ZGRF1: variants seen among roughly 807,000 people sequenced by gnomAD.
ZGRF1 encodes the protein zinc finger GRF-type containing 1, also known as 5'-3' DNA helicase ZGRF1.
A neutral mutation model predicts 203.5 loss-of-function variants in ZGRF1; 196 were observed. The ratio of observed to expected loss-of-function variants is 0.96; its 90% confidence interval spans 0.86 to 1.08. The LOEUF is 1.08. Ranked by LOEUF, ZGRF1 falls within the 50% of genes least tolerant of loss-of-function variation. The pLI, the probability that ZGRF1 is intolerant of heterozygous loss-of-function variation, is 0.00. For synonymous variants in ZGRF1, 809 were observed against 841.3 expected (o/e 0.96, Z 0.66); for missense variants, 2,326 against 2,416.3 (o/e 0.96, Z 0.78).
At chr4:112,599,132 G>A (rs1006203725) in intron 10 of ZGRF1, among the ~76,000 whole-genome samples, 17 of 152,150 alleles carry the variant, frequency 1.1e-4, no homozygotes, top group Non-Finnish European at 2.5e-4. Context: ...TGTAAAGAGC[G>A]AAGAGCTCCT....
In ZGRF1 at chr4:112,544,384, A is replaced by G. The variant is rs753027585; in HGVS notation, c.5598+2901T>C. ...AAACTTAAAAAAGTACTTGTCATTGAGAAAGAAACAAGATTCTGGGGTGGA... is the reference window on the plus strand; with the variant it reads ...AAACTTAAAAAAGTACTTGTCATTGGGAAAGAAACAAGATTCTGGGGTGGA... On this transcript the variant is annotated intron_variant, in intron 24 of 27. Coordinates refer to ENST00000505019, the MANE Select transcript of ZGRF1 (RefSeq NM_018392.5). Among the ~76,000 whole-genome samples, 155 of 152,240 alleles carry G rather than the reference A, an allele frequency of 1.0e-3. 1 individual carries two copies. Among genetic ancestry groups the G allele is most frequent in the Non-Finnish European group, 1.9e-3 (131 of 68,038 alleles).
intron 16 of ZGRF1, among the ~76,000 whole-genome samples, chr4:112,571,039 G>C (rs1192878368): frequency 6.6e-6 from 1 of 151,884 alleles, no homozygotes. Context: ...AGGAGGTGGA[G>C]GTTGCAGTGA....
chr4:112,591,214 G>T (rs1748119071), intron 10 of ZGRF1, among the ~76,000 whole-genome samples: 1 of 152,050 alleles, frequency 6.6e-6, no homozygotes, highest in African/African-American at 2.4e-5. Context: ...CATATGAGGT[G>T]GGTACTCTTA....
chr4:112,539,940 C>T lies in ZGRF1; in HGVS notation c.6095G>A (p.Arg2032Lys). ...RMNVALTRGKRHLLIVGNLAC... is the reference protein window; with the variant it reads ...RMNVALTRGKKHLLIVGNLAC... ...TAAATTTCCCACAATCAACAAATGC[C>T]TCTTTCCTCTAGTCAATGCAACATT... The change falls in exon 27 of 28, where the codon AGG becomes AAG. Residue 2032 changes from arginine (R) to lysine (K), a missense_variant. Coordinates refer to ENST00000505019, the MANE Select transcript of ZGRF1 (RefSeq NM_018392.5). The T allele has an allele frequency of 6.2e-7, 1 of 1,613,864 alleles. No homozygotes were observed. Among genetic ancestry groups the T allele is most frequent in the Non-Finnish European group, 8.5e-7 (1 of 1,179,796 alleles).
rs749747338 is a variant in ZGRF1 at position 112,585,661 on chromosome 4, G to A, written c.3981C>T (p.Asp1327=). Residue 1327 remains aspartate (D), a synonymous_variant, in exon 14 of 28, where the codon GAC becomes GAT. Coordinates refer to ENST00000505019, the MANE Select transcript of ZGRF1 (RefSeq NM_018392.5). ...QNLQKALSKV[D]ISFYTSLKGE... is the part of the protein sequence containing the mutation. ...CCTTCAATGATGTATAAAATGATATGTCAACTTTTGAAAGAGCTTTCTGCA... is the reference window on the plus strand; with the variant it reads ...CCTTCAATGATGTATAAAATGATATATCAACTTTTGAAAGAGCTTTCTGCA... 4.2e-5 allele frequency: 68 copies of A among 1,604,826 alleles called. No homozygotes were observed. Among genetic ancestry groups the A allele is most frequent in the Non-Finnish European group, 5.4e-5 (64 of 1,175,970 alleles).
intron 16 of ZGRF1, among the ~76,000 whole-genome samples, chr4:112,577,935 A>T (rs1745528288): frequency 8.3e-6 from 1 of 120,854 alleles, no homozygotes; most frequent in Non-Finnish European, 1.8e-5. Context: ...CGGACCTAAT[A>T]GATATCTACA....
chr4:112,603,610 G>C lies in ZGRF1; in HGVS notation c.2890C>G (p.Gln964Glu), dbSNP rs767912365. The C allele has an allele frequency of 5.0e-6, 8 of 1,613,608 alleles. No individual in the cohort carries two copies. Among genetic ancestry groups the C allele is most frequent in the Non-Finnish European group, 6.8e-6 (8 of 1,179,542 alleles). ...TCATACTCAGTGCTATCTGGAAACT[G>C]ACTGCATCCTAGCTGTGAGCTGTGT... ...RGHSSQLGCS[Q>E]FPDSTEYENF... Residue 964 changes from glutamine (Q) to glutamate (E), a missense_variant, in exon 10 of 28, where the codon CAG becomes GAG. Transcript: ENST00000505019.
intron 16 of ZGRF1, among the ~76,000 whole-genome samples, chr4:112,574,828 C>A (rs988857459): frequency 1.3e-4 from 20 of 152,036 alleles, no homozygotes; most frequent in African/African-American, 4.8e-4. Flanking sequence ...GAGTTCAAGA[C>A]CAGGCTGGCC....
chr4:112,623,627 G>C (rs969916890), intron 4 of ZGRF1, among the ~76,000 whole-genome samples, 190 bp downstream of exon 4: 2 of 151,812 alleles, frequency 1.3e-5, no homozygotes, highest in East Asian at 3.9e-4. Context: ...GTTTTTTTTA[G>C]ATCATAAAAA....
chr4:112,547,211 A>G, intron 24 of ZGRF1, 74 bp downstream of exon 24: 1 of 1,403,216 alleles, frequency 7.1e-7, no homozygotes, highest in Non-Finnish European at 9.6e-7. Flanking sequence ...TAATATTTTC[A>G]TTCTCTATCA....
chr4:112,547,308 G>C lies in ZGRF1; in HGVS notation c.5575C>G (p.Leu1859Val). 1.2e-6 allele frequency: 2 copies of C among 1,613,120 alleles called. No homozygotes were observed. Among genetic ancestry groups the C allele is most frequent in the South Asian group, 2.2e-5 (2 of 90,822 alleles). Residue 1859 changes from leucine (L) to valine (V), a missense_variant, in exon 24 of 28, where the codon CTT (leucine) becomes GTT (valine). Physicochemically the swap from Leu to Val is conservative, Grantham distance 32 (BLOSUM62 1). Coordinates refer to ENST00000505019, the MANE Select transcript of ZGRF1 (RefSeq NM_018392.5). Reference protein sequence around the residue: ...AAHENGLEQTLFDRLCLMGHK... With the variant: ...AAHENGLEQTVFDRLCLMGHK... ...ACCATTAAGCAAAGTCGATCAAAAA[G>C]AGTTTGTTCCAATCCATTTTCATGA...
At chr4:112,615,163 G>T (rs774607019) in intron 6 of ZGRF1, among the ~76,000 whole-genome samples, 3 of 152,044 alleles carry the variant, frequency 2.0e-5, no homozygotes, top group Non-Finnish European at 4.4e-5. Context: ...CAGAACTACT[G>T]CAAATAATCA....
intron 10 of ZGRF1, among the ~76,000 whole-genome samples, chr4:112,592,147 G>T (rs1290753972): frequency 6.7e-6 from 1 of 149,002 alleles, no homozygotes; most frequent in East Asian, 2.0e-4. Flanking sequence ...GCCCAGGCTG[G>T]AGTGCAGTGG....
chr4:112,630,748 G>T (rs1045593707), intron 3 of ZGRF1, among the ~76,000 whole-genome samples: 1 of 151,888 alleles, frequency 6.6e-6, no homozygotes, highest in Non-Finnish European at 1.5e-5. Context: ...AAAATTAGCC[G>T]GGCGTGGTGG....
chr4:112,548,296 A>G lies in ZGRF1; in HGVS notation c.5431T>C (p.Cys1811Arg). 6.4e-7 allele frequency: 1 copy of G among 1,552,394 alleles called. No homozygotes were observed. Among genetic ancestry groups the G allele is most frequent in the Non-Finnish European group, 8.7e-7 (1 of 1,147,172 alleles). The change falls in exon 23 of 28, where the codon TGT becomes CGT. Residue 1811 changes from cysteine to arginine, a missense_variant. Coordinates refer to ENST00000505019, the MANE Select transcript of ZGRF1 (RefSeq NM_018392.5). Reference protein sequence around the residue: ...LKFPVVVLDECSQITEPASLL... With the variant: ...LKFPVVVLDERSQITEPASLL... ...GAGGCCGGTTCAGTTATCTGACTAC[A>G]CTCATCCAGCACAACTACAGGAAAT...
chr4:112,564,553 A>G (rs1174063374), intron 16 of ZGRF1, among the ~76,000 whole-genome samples: 1 of 152,222 alleles, frequency 6.6e-6, no homozygotes, highest in African/African-American at 2.4e-5. Context: ...TTATTTAATC[A>G]TATGCATTTC....
At chr4:112,592,242 C>A (rs763269036) in intron 10 of ZGRF1, among the ~76,000 whole-genome samples, 1 of 151,834 alleles carries the variant, frequency 6.6e-6, no homozygotes. Flanking sequence ...GGACTACAGG[C>A]GTGTGCCACC....
intron 18 of ZGRF1, chr4:112,561,262 A>C (rs953304809): frequency 1.8e-5 from 7 of 398,402 alleles, no homozygotes; most frequent in Admixed American, 1.2e-4. Flanking sequence ...CTTCACAACA[A>C]CACTAGGAAA....
At chr4:112,583,526 C>T (rs188077959) in intron 15 of ZGRF1, among the ~76,000 whole-genome samples, 4 of 152,268 alleles carry the variant, frequency 2.6e-5, no homozygotes, top group Admixed American at 2.6e-4. Flanking sequence ...TATTCCCTGG[C>T]CGAGCATGAT....
Sources: gnomAD v4.1 joint callset for allele counts (sites outside exome capture counted in the v4.1 genomes callset) on GRCh38, gnomAD v4.1.1 for gene constraint, MANE v1.5 for transcripts, NCBI Gene and HGNC (gene_info 2026-07-23, HGNC 2026-07-21) for gene names.